PCDHGA8: variants seen among roughly 807,000 people sequenced by gnomAD.
PCDHGA8 encodes protocadherin gamma subfamily A, 8, also known as protocadherin gamma-A8.
PCDHGA8 carries 45 observed loss-of-function variants against 59.2 expected under a neutral mutation model. The ratio of observed to expected loss-of-function variants is 0.76; its 90% CI spans 0.60 to 0.98. The LOEUF (loss-of-function observed/expected upper bound fraction) is 0.98, where lower values mean the gene tolerates loss of function less well. Among genes scored for constraint, PCDHGA8 ranks in the 50% least tolerant of loss-of-function variants. PCDHGA8 has a pLI of 0.00. For missense variants in PCDHGA8, 1,257 were observed against 1,196.2 expected (o/e 1.05, Z -0.75); for synonymous variants, 531 against 519.0 (o/e 1.02, Z -0.32).
chr5:141,445,975 G>A (rs1279186740), intron 1 of PCDHGA8, among the ~76,000 whole-genome samples: 1 of 152,124 alleles, frequency 6.6e-6, no homozygotes, highest in Non-Finnish European at 1.5e-5. Flanking sequence ...TGATTTATGA[G>A]GGTTATAAAT....
intron 1 of PCDHGA8, chr5:141,420,313 C>T (rs751944742): frequency 1.6e-5 from 23 of 1,434,756 alleles, no homozygotes; most frequent in Non-Finnish European, 2.2e-5. Flanking sequence ...TTTTATATTA[C>T]AATATGCCAA....
intron 1 of PCDHGA8, chr5:141,409,594 C>A: frequency 1.2e-6 from 2 of 1,613,900 alleles, no homozygotes; most frequent in Non-Finnish European, 1.7e-6. Flanking sequence ...TGGCCGAGAA[C>A]AACCCGCCAG....
At chr5:141,400,138 A>G (rs1459833287) in intron 1 of PCDHGA8, 4 of 1,614,046 alleles carry the variant, frequency 2.5e-6, no homozygotes, top group Admixed American at 1.7e-5. Context: ...GCTGCCGGAT[A>G]TCACTGACCG....
intron 1 of PCDHGA8, among the ~76,000 whole-genome samples, chr5:141,425,691 T>C (rs1411905655): frequency 6.6e-6 from 1 of 152,238 alleles, no homozygotes. Context: ...TGCATATCAT[T>C]TCATAGTGGT....
chr5:141,499,689 CTTTTTTTTT>C (rs545067566), intron 2 of PCDHGA8, among the ~76,000 whole-genome samples: 2 of 119,856 alleles, frequency 1.7e-5, no homozygotes, highest in African/African-American at 6.2e-5. Flanking sequence ...TAACAGATGA[CTTTTTTTTT>C]TTTTTTTTTT....
At chr5:141,500,215 T>G (rs888740312) in intron 2 of PCDHGA8, among the ~76,000 whole-genome samples, 8 of 150,660 alleles carry the variant, frequency 5.3e-5, no homozygotes, top group African/African-American at 1.9e-4. Context: ...TTTATTTATT[T>G]ATTTATTTAT....
At chr5:141,405,031 C>T (rs760020802) in intron 1 of PCDHGA8, 4 of 1,613,968 alleles carry the variant, frequency 2.5e-6, no homozygotes, top group South Asian at 2.2e-5. Context: ...CCCTCTACCT[C>T]GTTGTGGCTG....
chr5:141,462,051 G>A (rs1370612703), intron 1 of PCDHGA8, among the ~76,000 whole-genome samples: 2 of 152,068 alleles, frequency 1.3e-5, no homozygotes, highest in African/African-American at 4.8e-5. Context: ...TTGAACTCCC[G>A]ACCTCAGGTG....
intron 1 of PCDHGA8, among the ~76,000 whole-genome samples, chr5:141,464,833 G>A (rs1015373577): frequency 6.6e-6 from 1 of 151,990 alleles, no homozygotes; most frequent in African/African-American, 2.4e-5. Context: ...CGCACTCCTG[G>A]GCTCAAGCAA....
In PCDHGA8 at chr5:141,422,647, T is replaced by G. The variant is rs773990745; in HGVS notation, c.2424+27410T>G. 2.5e-6 allele frequency: 4 copies of G among 1,611,858 alleles called. No individual in the cohort carries two copies. In the South Asian group the frequency reaches 4.4e-5, roughly 18 times the overall value. On this transcript the variant is annotated intron_variant, in intron 1 of 3. Transcript: ENST00000398604. ...CAACCCCAGGGGTGCCTCCATCTTC[T>G]CAGTGACCGCCCTCGACCCGGACAG...
chr5:141,404,909 C>CCT, intron 1 of PCDHGA8: 1 of 1,613,916 alleles, frequency 6.2e-7, no homozygotes, highest in Non-Finnish European at 8.5e-7. Context: ...TGGCCAGCCC[C>CCT]CTCTCTCGGC....
Position 141,490,826 on chromosome 5 carries a change from T to A in PCDHGA8, c.2425-3981T>A, listed in dbSNP as rs1195265146. ...ACCTTTGACTATGAATTGCTGCAGA[T>A]GCTGCAGATTGTGGTGGGGGTTCGA... On this transcript the variant is annotated intron_variant, in intron 1 of 3. Coordinates refer to ENST00000398604, the MANE Select transcript of PCDHGA8 (RefSeq NM_032088.2). The surrounding 1 kb of genome is among the most constrained non-coding windows in gnomAD (Gnocchi z 5.4). 6.2e-7 allele frequency: 1 copy of A among 1,613,736 alleles called. No homozygotes were observed. The highest frequency in any genetic ancestry group is 8.5e-7 in the Non-Finnish European group (1 of 1,179,796).
intron 1 of PCDHGA8, chr5:141,400,348 C>T (rs745917638): frequency 1.9e-6 from 3 of 1,614,050 alleles, no homozygotes; most frequent in South Asian, 1.1e-5. Context: ...CAACTACAGT[C>T]AGGGGACTTT....
At chr5:141,478,840 A>G (rs2099480064) in intron 1 of PCDHGA8, 1 of 1,410,466 alleles carries the variant, frequency 7.1e-7, no homozygotes, top group Non-Finnish European at 9.3e-7. Context: ...AGGGATGGTT[A>G]AGCTAAAACA....
At chr5:141,422,344 C>A in intron 1 of PCDHGA8, 1 of 1,550,890 alleles carries the variant, frequency 6.4e-7, no homozygotes, top group Non-Finnish European at 8.7e-7. Flanking sequence ...TCTAAATGTG[C>A]AAGATCAAGA....
chr5:141,432,427 C>G lies in PCDHGA8; in HGVS notation c.2424+37190C>G. 5 of 1,614,242 alleles carry G rather than the reference C, an allele frequency of 3.1e-6. No homozygotes were observed. The highest frequency in any genetic ancestry group is 4.2e-6 in the Non-Finnish European group (5 of 1,180,036). On this transcript the variant is annotated intron_variant, in intron 1 of 3. Transcript: ENST00000398604. The surrounding 1 kb of genome is among the most constrained non-coding windows in gnomAD (Gnocchi z 6.0). ...TGAGCCTGTTCGTGCTGGACCAGAA[C>G]GACAATGCGCCCGAGATCCTGTACC... is the stretch of plus-strand genomic sequence containing the variant.
At chr5:141,403,172 C>G (rs1230059414) in intron 1 of PCDHGA8, 13 of 1,613,900 alleles carry the variant, frequency 8.1e-6, no homozygotes, top group Non-Finnish European at 1.1e-5. Flanking sequence ...TAGGACGCAG[C>G]TTTTCTCTCT....
intron 1 of PCDHGA8, chr5:141,412,993 G>T (rs1401025160): frequency 1.2e-5 from 7 of 574,186 alleles, no homozygotes; most frequent in Non-Finnish European, 1.8e-5. Context: ...GCTCAATCCG[G>T]ATTCTCAGGG....
At chr5:141,425,392 A>G (rs2096872216) in intron 1 of PCDHGA8, among the ~76,000 whole-genome samples, 1 of 152,232 alleles carries the variant, frequency 6.6e-6, no homozygotes, top group African/African-American at 2.4e-5. Flanking sequence ...GGTAGTGATA[A>G]AGTTCTGTTA....
Sources: gnomAD v4.1 joint callset for allele counts (sites outside exome capture counted in the v4.1 genomes callset) on GRCh38, gnomAD v4.1.1 for gene constraint, Gnocchi (gnomAD v3.1) non-coding constraint, MANE v1.5 for transcripts, NCBI Gene and HGNC (gene_info 2026-07-23, HGNC 2026-07-21) for gene names.